The following ARHGEF11 variants were observed in gnomAD, a reference collection of about 807,000 sequenced individuals.
ARHGEF11 encodes Rho guanine nucleotide exchange factor 11.
ARHGEF11 carries 55 observed loss-of-function variants against 193.7 expected under a neutral mutation model. The observed-to-expected ratio is 0.28, with a 90% CI of 0.23 to 0.36. ARHGEF11 has a LOEUF of 0.36. ARHGEF11 is among the 10% of genes least tolerant of loss of function. The pLI, the probability that ARHGEF11 is intolerant of heterozygous loss-of-function variation, is 1.00. For missense variants in ARHGEF11, 1,723 were observed against 2,005.6 expected, an observed-to-expected ratio of 0.86 and a Z score of 2.69; for synonymous variants, 693 against 768.0, an observed-to-expected ratio of 0.90 and a Z score of 1.62.
intron 15 of ARHGEF11, among the ~76,000 whole-genome samples, chr1:156,959,458 A>C (rs565972029): frequency 6.6e-6 from 1 of 152,262 alleles, no homozygotes; most frequent in South Asian, 2.1e-4. Flanking sequence ...CCAAGTGCAG[A>C]CCTCTGAGAG....
At chr1:156,998,106 G>A (rs1666772073) in intron 1 of ARHGEF11, among the ~76,000 whole-genome samples, 2 of 152,222 alleles carry the variant, frequency 1.3e-5, no homozygotes, top group South Asian at 4.1e-4. Flanking sequence ...CCACATTGTC[G>A]ACCTCTCTCC....
In ARHGEF11 at chr1:156,942,783, G is replaced by A; in HGVS notation, c.3236-3C>T. ...GATGATGAAGAAGGCCCGTTTATCTGTGTGAGGAAAGGAAGGTAGAAGGGT... is the reference window on the plus strand; with the variant it reads ...GATGATGAAGAAGGCCCGTTTATCTATGTGAGGAAAGGAAGGTAGAAGGGT... On this transcript the variant is annotated splice_polypyrimidine_tract_variant and splice_region_variant and intron_variant, in intron 32 of 40. Transcript: ENST00000368194. 6.2e-7 allele frequency: 1 copy of A among 1,613,796 alleles called. No individual in the cohort carries two copies. The highest frequency in any genetic ancestry group is 2.2e-5 in the East Asian group (1 of 44,880).
chr1:156,966,475 C>T (rs995142851), intron 11 of ARHGEF11, among the ~76,000 whole-genome samples: 9 of 152,212 alleles, frequency 5.9e-5, no homozygotes, highest in African/African-American at 1.7e-4. Flanking sequence ...TGCTCATGAC[C>T]TTCAATACTG....
chr1:157,039,407 C>G (rs1487230940), intron 1 of ARHGEF11, among the ~76,000 whole-genome samples: 2 of 152,218 alleles, frequency 1.3e-5, no homozygotes, highest in Non-Finnish European at 2.9e-5. Context: ...ACAAAGCTGG[C>G]TCCATCATCC....
At chr1:157,020,873 T>C (rs913029843) in intron 1 of ARHGEF11, among the ~76,000 whole-genome samples, 4 of 152,226 alleles carry the variant, frequency 2.6e-5, no homozygotes, top group African/African-American at 9.6e-5. Context: ...AATGTAGGCA[T>C]TGAGAATTTA....
chr1:156,978,117 C>A, intron 6 of ARHGEF11, 87 bp downstream of exon 6: 1 of 1,557,414 alleles, frequency 6.4e-7, no homozygotes, highest in South Asian at 1.2e-5. Flanking sequence ...TACCACAGCC[C>A]CACTGGATTT....
chr1:157,024,772 A>G (rs1670441841), intron 1 of ARHGEF11, among the ~76,000 whole-genome samples: 1 of 152,024 alleles, frequency 6.6e-6, no homozygotes, highest in Non-Finnish European at 1.5e-5. Flanking sequence ...TCCACAGTTA[A>G]AGAAGTTTGT....
At chr1:157,017,235 C>T (rs1435815944) in intron 1 of ARHGEF11, among the ~76,000 whole-genome samples, 1 of 152,196 alleles carries the variant, frequency 6.6e-6, no homozygotes, top group Non-Finnish European at 1.5e-5. Flanking sequence ...CAGAGATCAT[C>T]TCACTGCCCA....
Position 156,958,853 on chromosome 1 carries a change from G to C in ARHGEF11, c.1391C>G (p.Thr464Arg). ...EQIHDYRTKRTLGLGSLYGEN... is the reference protein window; with the variant it reads ...EQIHDYRTKRRLGLGSLYGEN... ...ACCATACAGGCTGCCCAGCCCCAGT[G>C]TGCGCTTCGTTCTAAGCCAGATAAA... The change falls in exon 17 of 41, where the codon ACA becomes AGA. Residue 464 changes from threonine (T) to arginine (R), a missense_variant. Physicochemically the swap from Thr to Arg is moderately conservative, Grantham distance 71. Transcript: ENST00000368194. 6.2e-7 allele frequency: 1 copy of C among 1,614,208 alleles called. No individual in the cohort carries two copies. The highest frequency in any genetic ancestry group is 2.2e-5 in the East Asian group (1 of 44,892).
chr1:156,961,666 GA>G lies in ARHGEF11; in HGVS notation c.1239+10del, dbSNP rs761567778. 13 of 1,610,464 alleles carry G rather than the reference GA, an allele frequency of 8.1e-6. No individual in the cohort carries two copies. Among genetic ancestry groups the G allele is most frequent in the African/African-American group, 1.3e-5 (1 of 74,850 alleles). On this transcript the variant is annotated intron_variant, in intron 14 of 40. Transcript: ENST00000368194. ...ATGATAAAATTATAATCCAATCTATGACTGCCTTACCGCATTTTTCTCCAGG... is the reference window on the plus strand; with the variant it reads ...ATGATAAAATTATAATCCAATCTATGCTGCCTTACCGCATTTTTCTCCAGG...
At chr1:156,963,905 C>CAT in intron 11 of ARHGEF11, 1 of 515,510 alleles carries the variant, frequency 1.9e-6, no homozygotes, top group Non-Finnish European at 2.9e-6. Flanking sequence ...TGTCAGTCAA[C>CAT]AAAATAAGAG....
In ARHGEF11 at chr1:156,951,647, C is replaced by G; in HGVS notation, c.1851G>C (p.Gln617His). 1 of 1,614,202 alleles carries G rather than the reference C, an allele frequency of 6.2e-7. No homozygotes were observed. The highest frequency in any genetic ancestry group is 1.1e-5 in the South Asian group (1 of 91,082). Reference protein sequence around the residue: ...NIIQHFENNQQYDAPEPGTQR... With the variant: ...NIIQHFENNQHYDAPEPGTQR... ...GTGTCCCAGGTTCTGGGGCATCATACTGCTGGTTGTTCTCAAAGTGCTGAA... is the reference window on the plus strand; with the variant it reads ...GTGTCCCAGGTTCTGGGGCATCATAGTGCTGGTTGTTCTCAAAGTGCTGAA... Residue 617 changes from glutamine (Q) to histidine (H), a missense_variant, in exon 22 of 41, where the codon CAG (glutamine) becomes CAC (histidine). Gln to His is a conservative substitution (Grantham distance 24). Coordinates refer to ENST00000368194, the MANE Select transcript of ARHGEF11 (RefSeq NM_198236.3).
chr1:156,963,229 A>G lies in ARHGEF11; in HGVS notation c.1114T>C (p.Phe372Leu). ...AHLGVFLRYI[F>L]SQADPSPLLF... ...AGTGGACTGGGGTCCGCCTGAGAGA[A>G]GATGTAACGTAGAAAAACCCCCAGG... The change falls in exon 13 of 41, where the codon TTC becomes CTC. Residue 372 changes from phenylalanine (F) to leucine (L), a missense_variant. Transcript: ENST00000368194. 2 of 1,614,082 alleles carry G rather than the reference A, an allele frequency of 1.2e-6. No individual in the cohort carries two copies. The highest frequency in any genetic ancestry group is 1.7e-6 in the Non-Finnish European group (2 of 1,179,956).
chr1:156,941,891 G>A lies in ARHGEF11; in HGVS notation c.3425C>T (p.Pro1142Leu). Residue 1142 changes from proline (P) to leucine (L), a missense_variant, in exon 34 of 41, where the codon CCA (proline) becomes CTA (leucine). By Grantham distance (98) the Pro-to-Leu change is moderately conservative. This residue lies in a region of ARHGEF11 where 203 missense variants were observed against 237.3 expected (regional missense o/e 0.86). Coordinates refer to ENST00000368194, the MANE Select transcript of ARHGEF11 (RefSeq NM_198236.3). ...GCTGGGTGTGGGGCCCTGCTGGGCT[G>A]GCTCCCGGGGACCTGGGGGTGGAGG... Reference protein sequence around the residue: ...VHPPPPGPREPAQQGPTPSRV... With the variant: ...VHPPPPGPRELAQQGPTPSRV... The A allele has an allele frequency of 6.2e-7, 1 of 1,613,062 alleles. No homozygotes were observed. Among genetic ancestry groups the A allele is most frequent in the Non-Finnish European group, 8.5e-7 (1 of 1,179,522 alleles).
At chr1:156,938,307 T>C (rs1333216179) in intron 38 of ARHGEF11, 111 bp downstream of exon 38, 3 of 960,600 alleles carry the variant, frequency 3.1e-6, no homozygotes, top group Admixed American at 2.6e-5. Flanking sequence ...TCCAGGCAGC[T>C]GAGGGAGCTT....
chr1:157,029,729 A>C (rs1449968627), intron 1 of ARHGEF11, among the ~76,000 whole-genome samples: 1 of 152,230 alleles, frequency 6.6e-6, no homozygotes, highest in Non-Finnish European at 1.5e-5. Flanking sequence ...ATAGCCAAAA[A>C]GTGGAAAAAA....
intron 1 of ARHGEF11, among the ~76,000 whole-genome samples, chr1:156,995,997 T>G (rs1335829024): frequency 6.6e-6 from 1 of 152,206 alleles, no homozygotes; most frequent in Non-Finnish European, 1.5e-5. Context: ...AACAGATCTT[T>G]AGACATCAAA....
At chr1:156,981,700 C>T (rs1317297188) in intron 3 of ARHGEF11, among the ~76,000 whole-genome samples, 1 of 152,166 alleles carries the variant, frequency 6.6e-6, no homozygotes, top group Non-Finnish European at 1.5e-5. Context: ...TCTTGGAACT[C>T]CTGAGCTCAG....
At chr1:157,015,463 C>T (rs1446889364) in intron 1 of ARHGEF11, among the ~76,000 whole-genome samples, 1 of 152,228 alleles carries the variant, frequency 6.6e-6, no homozygotes, top group African/African-American at 2.4e-5. Context: ...AGCAACCCCA[C>T]TCTCCTCCCC....
Sources: gnomAD v4.1 joint callset for allele counts (sites outside exome capture counted in the v4.1 genomes callset) on GRCh38, gnomAD v4.1.1 for gene constraint, gnomAD v4.1.1 regional missense constraint, MANE v1.5 for transcripts, NCBI Gene and HGNC (gene_info 2026-07-23, HGNC 2026-07-21) for gene names.